Variants in CCDC171 observed in about 807,000 individuals in gnomAD.
CCDC171 encodes coiled-coil domain-containing protein 171.
In CCDC171, 177 loss-of-function variants were observed where a neutral mutation model predicts 168.2. The observed-to-expected ratio is 1.05, with a 90% confidence interval of 0.93 to 1.19. CCDC171 has a LOEUF of 1.19. CCDC171 is among the 50% of genes most tolerant of loss of function. CCDC171 has a pLI of 0.00. For missense variants in CCDC171, 1,991 were observed against 1,539.0 expected (o/e 1.29, Z -4.91); for synonymous variants, 687 against 540.8 (o/e 1.27, Z -3.75).
chr9:15,601,320 A>G (rs903407229), intron 6 of CCDC171, among the ~76,000 whole-genome samples: 3 of 152,218 alleles, frequency 2.0e-5, no homozygotes, highest in African/African-American at 7.2e-5. Flanking sequence ...GGTAGTGAAC[A>G]TTGGAAATTC....
At chr9:15,675,520 C>G (rs1421841850) in intron 9 of CCDC171, among the ~76,000 whole-genome samples, 2 of 152,074 alleles carry the variant, frequency 1.3e-5, no homozygotes, top group African/African-American at 4.8e-5. Flanking sequence ...CCAGTTGTTC[C>G]TTTCCATGTT....
At chr9:15,946,702 T>C (rs200296710) in intron 25 of CCDC171, among the ~76,000 whole-genome samples, 2 of 151,980 alleles carry the variant, frequency 1.3e-5, no homozygotes. Context: ...AAAGAGAGCC[T>C]GCATCGCCAA....
intron 11 of CCDC171, among the ~76,000 whole-genome samples, chr9:15,720,919 A>G (rs2053437607): frequency 6.6e-6 from 1 of 152,122 alleles, no homozygotes; most frequent in South Asian, 2.1e-4. Context: ...ATTCCCACCT[A>G]TGAGTGAGAA....
the CCDC171 span, among the ~76,000 whole-genome samples, chr9:16,072,668 G>A: frequency 1.1e-4 from 16 of 152,158 alleles, no homozygotes; most frequent in South Asian, 2.1e-4. Flanking sequence ...GGACGGCATC[G>A]TGATCAAGAA....
chr9:15,606,975 A>C (rs909270580), intron 6 of CCDC171, among the ~76,000 whole-genome samples: 2 of 152,162 alleles, frequency 1.3e-5, no homozygotes, highest in African/African-American at 4.8e-5. Context: ...CTGTAACAAA[A>C]ATTTTAAAGT....
chr9:15,842,496 A>G (rs535651536), intron 21 of CCDC171, among the ~76,000 whole-genome samples: 2 of 152,152 alleles, frequency 1.3e-5, no homozygotes, highest in African/African-American at 4.8e-5. Context: ...AGAATGATAC[A>G]CTTTGTATAT....
At chr9:15,692,319 G>A (rs2050860394) in intron 10 of CCDC171, among the ~76,000 whole-genome samples, 2 of 151,560 alleles carry the variant, frequency 1.3e-5, no homozygotes, top group South Asian at 2.1e-4. Context: ...GTTGCACTGA[G>A]CCGAGATTGT....
At chr9:16,001,998 C>T (rs1168077509) in intron 3 of CCDC171, among the ~76,000 whole-genome samples, 1 of 151,528 alleles carries the variant, frequency 6.6e-6, no homozygotes, top group Non-Finnish European at 1.5e-5. Flanking sequence ...CACCATTGCC[C>T]ATCTGATTTT....
At chr9:15,805,502 C>G (rs2059031560) in intron 21 of CCDC171, among the ~76,000 whole-genome samples, 1 of 152,028 alleles carries the variant, frequency 6.6e-6, no homozygotes, top group Non-Finnish European at 1.5e-5. Flanking sequence ...CATTATTTAC[C>G]CAAAAATCAT....
chr9:16,056,264 G>A (rs1833838662), intron 1 of CCDC171, among the ~76,000 whole-genome samples: 1 of 152,052 alleles, frequency 6.6e-6, no homozygotes, highest in South Asian at 2.1e-4. Flanking sequence ...GAGCAGTGTT[G>A]CCCAACGGAA....
chr9:15,750,878 A>G (rs1038155645), intron 18 of CCDC171, among the ~76,000 whole-genome samples: 1 of 152,162 alleles, frequency 6.6e-6, no homozygotes, highest in Non-Finnish European at 1.5e-5. Context: ...CAAGACAAGG[A>G]TGCTCTCTCT....
At chr9:15,593,223 G>A (rs2042117600) in intron 5 of CCDC171, among the ~76,000 whole-genome samples, 1 of 152,120 alleles carries the variant, frequency 6.6e-6, no homozygotes, top group Non-Finnish European at 1.5e-5. Context: ...CTACCATTGT[G>A]TGGACATGAG....
intron 8 of CCDC171, among the ~76,000 whole-genome samples, chr9:15,664,887 C>T (rs886258404): frequency 3.8e-4 from 58 of 151,462 alleles, no homozygotes; most frequent in African/African-American, 1.3e-3. Context: ...TTAGTAGAGA[C>T]GGGGTTTCTC....
intron 7 of CCDC171, 89 bp downstream of exon 7, chr9:15,623,502 C>CAG: frequency 1.4e-6 from 1 of 693,500 alleles, no homozygotes; most frequent in African/African-American, 1.8e-5. Context: ...CACACACACA[C>CAG]ACACATAAAA....
intron 21 of CCDC171, among the ~76,000 whole-genome samples, chr9:15,809,956 G>T (rs1425711250): frequency 1.3e-5 from 2 of 152,114 alleles, no homozygotes. Flanking sequence ...AGAGCTGATT[G>T]GTCCGTTTTG....
intron 21 of CCDC171, among the ~76,000 whole-genome samples, chr9:15,826,976 A>C (rs2060039523): frequency 6.6e-6 from 1 of 152,224 alleles, no homozygotes; most frequent in African/African-American, 2.4e-5. Context: ...ACATTTAAGA[A>C]TGAAGAAAAA....
chr9:15,904,998 A>G (rs1822320719), intron 24 of CCDC171, among the ~76,000 whole-genome samples: 3 of 152,212 alleles, frequency 2.0e-5, no homozygotes, highest in South Asian at 4.1e-4. Context: ...TGCACCCAAT[A>G]CAGGAGCACT....
At chr9:16,040,461 G>A (rs1012545245), upstream of CCDC171, among the ~76,000 whole-genome samples, 17 of 152,292 alleles carry the variant, frequency 1.1e-4, no homozygotes, top group African/African-American at 3.8e-4. Flanking sequence ...ACGGCCCACC[G>A]CAGAGAGAAA....
At chr9:15,860,961 T>TGTGTGTGTGTGTGTGTGA (rs1472834545) in intron 23 of CCDC171, among the ~76,000 whole-genome samples, 18 of 151,676 alleles carry the variant, frequency 1.2e-4, no homozygotes, top group Middle Eastern at 3.4e-3. Flanking sequence ...TGTGTGTGTG[T>TGTGTGTGTGTGTGTGTGA]GATAATTGTT....
Sources: gnomAD v4.1 joint callset for allele counts (sites outside exome capture counted in the v4.1 genomes callset) on GRCh38, gnomAD v4.1.1 for gene constraint, MANE v1.5 for transcripts, NCBI Gene and HGNC (gene_info 2026-07-23, HGNC 2026-07-21) for gene names.